The following ATP10A variants were observed in gnomAD, a reference collection of about 807,000 sequenced individuals.
ATP10A encodes phospholipid-transporting ATPase VA.
A neutral mutation model predicts 147.8 loss-of-function variants in ATP10A; 111 were observed. That is an observed-to-expected ratio of 0.75 (90% CI 0.64 to 0.88). The LOEUF is 0.88. Among genes scored for constraint, ATP10A ranks in the 40% least tolerant of loss-of-function variants. The pLI is 0.00. For missense variants in ATP10A, 1,927 were observed against 1,959.0 expected, an observed-to-expected ratio of 0.98 and a Z score of 0.31; for synonymous variants, 875 against 841.6, an observed-to-expected ratio of 1.04 and a Z score of -0.69.
At chr15:25,825,079 A>G (rs1338180599) in intron 1 of ATP10A, among the ~76,000 whole-genome samples, 3 of 152,172 alleles carry the variant, frequency 2.0e-5, no homozygotes. Flanking sequence ...TCGAGGTTGG[A>G]GCTCCTTCAA....
intron 2 of ATP10A, among the ~76,000 whole-genome samples, chr15:25,768,693 T>G (rs1889164219): frequency 1.4e-5 from 2 of 145,418 alleles, no homozygotes; most frequent in Admixed American, 1.4e-4. Flanking sequence ...ATTTTTTTTT[T>G]TTTTTTTTTT....
At chr15:25,795,309 G>A (rs11631262) in intron 1 of ATP10A, among the ~76,000 whole-genome samples, 45,253 of 151,878 alleles carry the variant, frequency 0.3, 7,363 homozygotes, top group East Asian at 0.41. Flanking sequence ...ACAGGCCCAC[G>A]GAGGGAGGGC....
At position 25,679,464 on chromosome 15, in the gene ATP10A, C is replaced by A; in HGVS notation, c.4377G>T (p.Thr1459=). ...CCGCTTGTCCATCTGCAAGCTGCTC[C>A]GTCCGGGAGAACTGTAAGACACTCC... is the stretch of plus-strand genomic sequence containing the variant. ...RLGSVLQFSR[T]EQLADGQAGR... Residue 1459 remains threonine, a synonymous_variant, in exon 21 of 21, where the codon ACG becomes ACT. Transcript: ENST00000555815. 6.2e-7 allele frequency: 1 copy of A among 1,614,050 alleles called. No individual in the cohort carries two copies. Among genetic ancestry groups the A allele is most frequent in the Non-Finnish European group, 8.5e-7 (1 of 1,179,982 alleles).
At chr15:25,718,082 G>A (rs1022775566) in intron 8 of ATP10A, 100 bp downstream of exon 8, 10 of 1,281,118 alleles carry the variant, frequency 7.8e-6, no homozygotes, top group African/African-American at 2.9e-5. Flanking sequence ...CAGCGACAGT[G>A]TATTTGTAGG....
At chr15:25,779,365 T>C (rs1350023115) in intron 2 of ATP10A, among the ~76,000 whole-genome samples, 1 of 152,242 alleles carries the variant, frequency 6.6e-6, no homozygotes, top group East Asian at 1.9e-4. Context: ...GTGCACAGGC[T>C]GCTCCTCTCA....
intron 10 of ATP10A, among the ~76,000 whole-genome samples, chr15:25,712,864 C>G (rs984808930): frequency 4.6e-5 from 7 of 152,204 alleles, no homozygotes; most frequent in Admixed American, 1.3e-4. Context: ...CCATCCAATT[C>G]TCCATCATGA....
chr15:25,864,304 T>C (rs28380244), upstream of ATP10A, among the ~76,000 whole-genome samples: 41,713 of 152,124 alleles, frequency 0.27, 9,365 homozygotes, highest in African/African-American at 0.62. Context: ...CCACAGATGT[T>C]TCATGGCTGT....
At position 25,773,818 on chromosome 15, in the gene ATP10A, CCACACACACA is replaced by C. The variant is rs56751876; in HGVS notation, c.654+7191_654+7200del. 2.1e-3 allele frequency among the ~76,000 whole-genome samples: 293 copies of C among 137,902 alleles called. 1 individual carries two copies. Among genetic ancestry groups the C allele is most frequent in the South Asian group, 6.7e-3 (29 of 4,332 alleles). The allele number at this position is 137,902 out of a possible 152,430, so 90.5% of individuals were successfully genotyped here. A position where few individuals can be genotyped will look rare whatever the true frequency, so the allele number is the denominator to read the frequency against. On this transcript the variant is annotated intron_variant, in intron 2 of 20. Transcript: ENST00000555815. Reference sequence around the variant, plus strand: ...CACACAAACATACACACCTAAACATCCACACACACACACACACACACACACACACACACAT... The same window carrying C: ...CACACAAACATACACACCTAAACATCCACACACACACACACACACACACAT...
chr15:25,681,438 T>C (rs1400490947), intron 17 of ATP10A, among the ~76,000 whole-genome samples: 3 of 152,188 alleles, frequency 2.0e-5, no homozygotes, highest in South Asian at 2.1e-4. Flanking sequence ...TCGCTAAATA[T>C]GCACATAGCT....
chr15:25,765,087 C>T (rs1307511558), intron 2 of ATP10A, among the ~76,000 whole-genome samples: 1 of 152,210 alleles, frequency 6.6e-6, no homozygotes, highest in East Asian at 1.9e-4. Context: ...CTTTAAACAG[C>T]CCTGATGTTT....
At chr15:25,702,138 T>A in intron 12 of ATP10A, 38 bp from the exon 13 acceptor site, 1 of 1,575,198 alleles carries the variant, frequency 6.3e-7, no homozygotes. Context: ...AACCCGCTTC[T>A]CACGTGCCCC....
chr15:25,707,330 G>T (rs1399907210), intron 12 of ATP10A, among the ~76,000 whole-genome samples: 1 of 152,130 alleles, frequency 6.6e-6, no homozygotes, highest in African/African-American at 2.4e-5. Flanking sequence ...CAGCACCCGA[G>T]ATGGAGGTGG....
chr15:25,740,277 TAA>T (rs1262774521), intron 2 of ATP10A, among the ~76,000 whole-genome samples: 1 of 152,112 alleles, frequency 6.6e-6, no homozygotes, highest in African/African-American at 2.4e-5. Flanking sequence ...AAAACTAAAG[TAA>T]AGAGGTTCAT....
intron 2 of ATP10A, among the ~76,000 whole-genome samples, chr15:25,736,352 C>A (rs1202693590): frequency 6.6e-6 from 1 of 152,066 alleles, no homozygotes; most frequent in Non-Finnish European, 1.5e-5. Context: ...AATTGGGGGA[C>A]CGGTACTGGT....
intron 1 of ATP10A, among the ~76,000 whole-genome samples, chr15:25,790,944 C>T (rs1279874927): frequency 2.0e-5 from 3 of 152,110 alleles, no homozygotes; most frequent in Non-Finnish European, 4.4e-5. Context: ...CTCCTTATTC[C>T]TACGGAGAAG....
chr15:25,778,102 T>C (rs1889710819), intron 2 of ATP10A, among the ~76,000 whole-genome samples: 1 of 152,156 alleles, frequency 6.6e-6, no homozygotes, highest in Non-Finnish European at 1.5e-5. Context: ...CTGGATACCC[T>C]AAGTTCCTGC....
chr15:25,860,856 GA>G (rs1893727619), intron 1 of ATP10A, among the ~76,000 whole-genome samples: 1 of 152,218 alleles, frequency 6.6e-6, no homozygotes, highest in Non-Finnish European at 1.5e-5. Context: ...TTTGCCAACT[GA>G]AAATAAACTG....
At chr15:25,681,410 C>T (rs1899402239) in intron 17 of ATP10A, among the ~76,000 whole-genome samples, 1 of 152,182 alleles carries the variant, frequency 6.6e-6, no homozygotes, top group Non-Finnish European at 1.5e-5. Flanking sequence ...CCTTTAAATA[C>T]ATTTGTCTTC....
chr15:25,787,932 C>T (rs974332668), intron 1 of ATP10A, among the ~76,000 whole-genome samples: 7 of 152,128 alleles, frequency 4.6e-5, no homozygotes, highest in African/African-American at 1.7e-4. Flanking sequence ...AAGGACACTG[C>T]CCTCCCCCAG....
Sources: gnomAD v4.1 joint callset for allele counts (sites outside exome capture counted in the v4.1 genomes callset) on GRCh38, gnomAD v4.1.1 for gene constraint, MANE v1.5 for transcripts, NCBI Gene and HGNC (gene_info 2026-07-23, HGNC 2026-07-21) for gene names.